DST: variants seen among roughly 807,000 people sequenced by gnomAD.
DST encodes bullous pemphigoid antigen.
DST carries 253 observed loss-of-function variants against 875.2 expected under a neutral mutation model. That is an observed-to-expected ratio of 0.29 (90% CI 0.26 to 0.32). The LOEUF (loss-of-function observed/expected upper bound fraction) is 0.32, where lower values mean the gene tolerates loss of function less well. Ranked by LOEUF, DST falls within the 10% of genes least tolerant of loss-of-function variation. The probability of loss-of-function intolerance (pLI) is 1.00; values close to 1 mark genes in which losing one functional copy is unlikely to be tolerated. For synonymous variants in DST, 3,124 were observed against 3,197.1 expected (o/e 0.98, Z 0.77); for missense variants, 8,287 against 9,111.6 (o/e 0.91, Z 3.68).
intron 4 of DST, among the ~76,000 whole-genome samples, chr6:56,792,401 AG>A (rs1281720416): frequency 1.3e-5 from 2 of 152,188 alleles, no homozygotes; most frequent in African/African-American, 4.8e-5. Flanking sequence ...ATTACAGGAG[AG>A]AAAAAGTAGT....
At chr6:56,589,832 T>C (rs1319651660) in intron 49 of DST, among the ~76,000 whole-genome samples, 1 of 152,240 alleles carries the variant, frequency 6.6e-6, no homozygotes, top group East Asian at 1.9e-4. Context: ...CAACATGCTA[T>C]TGGCCAAAAG....
intron 87 of DST, among the ~76,000 whole-genome samples, chr6:56,485,892 A>G (rs2095543017): frequency 6.6e-6 from 1 of 152,150 alleles, no homozygotes; most frequent in Non-Finnish European, 1.5e-5. Flanking sequence ...CAACCATCCC[A>G]AAAATCTTCC....
chr6:56,585,675 A>C (rs1370379505), intron 49 of DST, among the ~76,000 whole-genome samples: 3 of 151,210 alleles, frequency 2.0e-5, no homozygotes, highest in African/African-American at 7.3e-5. Context: ...TAGTTCTTTT[A>C]ATTGTGATGT....
chr6:56,727,023 C>T (rs1425839678), intron 5 of DST, among the ~76,000 whole-genome samples: 1 of 152,162 alleles, frequency 6.6e-6, no homozygotes, highest in African/African-American at 2.4e-5. Context: ...CTTGGGGCCC[C>T]AAAATCACTA....
chr6:56,770,246 T>C (rs1403663218), intron 4 of DST, among the ~76,000 whole-genome samples: 1 of 152,220 alleles, frequency 6.6e-6, no homozygotes, highest in Non-Finnish European at 1.5e-5. Context: ...AGACAAATCA[T>C]GAAAAGTCCC....
chr6:56,549,632 C>A (rs1037825827), intron 61 of DST, among the ~76,000 whole-genome samples: 1 of 152,164 alleles, frequency 6.6e-6, no homozygotes, highest in Non-Finnish European at 1.5e-5. Context: ...ATCATCATCA[C>A]CCTTATCATA....
intron 10 of DST, among the ~76,000 whole-genome samples, chr6:56,654,283 ATATCCCAGCTT>A (rs140463086): frequency 0.13 from 20,136 of 151,934 alleles, 3,062 homozygotes; most frequent in African/African-American, 0.38. Flanking sequence ...AAACATGTTT[ATATCCCAGCTT>A]TATCCCAGCT....
In DST at chr6:56,522,532, A is replaced by G. The variant is rs559331877; in HGVS notation, c.18129+3829T>C. Among the ~76,000 whole-genome samples the G allele has an allele frequency of 3.3e-5, 5 of 152,242 alleles. No individual in the cohort carries two copies. The East Asian group carries it at 7.7e-4, about 23-fold the overall frequency. The stretch of plus-strand genomic sequence containing the variant: ...CTTGTCTTTATTTATAACACAAGAC[A>G]TATTTTCCCATCCACAACACCTGGA... On this transcript the variant is annotated intron_variant, in intron 69 of 103. Coordinates refer to ENST00000680361, the MANE Select transcript of DST (RefSeq NM_001374736.1).
At chr6:56,878,144 CATCACCACTCT>C (rs1221732794) in intron 3 of DST, among the ~76,000 whole-genome samples, 1 of 152,198 alleles carries the variant, frequency 6.6e-6, no homozygotes, top group Non-Finnish European at 1.5e-5. Flanking sequence ...AACATGAGCC[CATCACCACTCT>C]AAGAGGGTAG....
chr6:56,648,642 G>T lies in DST; in HGVS notation c.1482C>A (p.Leu494=). 6.3e-7 allele frequency: 1 copy of T among 1,586,336 alleles called. No individual in the cohort carries two copies. Among genetic ancestry groups the T allele is most frequent in the Non-Finnish European group, 8.6e-7 (1 of 1,163,002 alleles). Residue 494 remains leucine, a synonymous_variant, in exon 13 of 104, where the codon CTC becomes CTA. Coordinates refer to ENST00000680361, the MANE Select transcript of DST (RefSeq NM_001374736.1). ...WIEYQNMVNY[L]IQWIRHHVTT... ...TCACATGGTGTCTAATCCATTGGAT[G>T]AGGTAGTTCACCATATTCTGGTATT...
chr6:56,666,598 A>G (rs748736799), intron 10 of DST, among the ~76,000 whole-genome samples: 28 of 152,200 alleles, frequency 1.8e-4, no homozygotes, highest in Non-Finnish European at 3.7e-4. Flanking sequence ...AAAGCCAAGT[A>G]AAATCCATAT....
intron 23 of DST, 128 bp from the exon 24 acceptor site, chr6:56,635,842 G>A: frequency 1.1e-6 from 1 of 950,704 alleles, no homozygotes; most frequent in Non-Finnish European, 1.7e-6. Flanking sequence ...GCACAAGATA[G>A]CTTAATAGTC....
chr6:56,704,425 T>A, intron 5 of DST, 56 bp from the exon 6 acceptor site: 1 of 754,972 alleles, frequency 1.3e-6, no homozygotes, highest in Non-Finnish European at 2.2e-6. Context: ...TCCTTAACAT[T>A]CTTAAACATA....
chr6:56,858,201 G>C (rs944334800), intron 3 of DST, among the ~76,000 whole-genome samples: 1 of 152,148 alleles, frequency 6.6e-6, no homozygotes, highest in African/African-American at 2.4e-5. Context: ...GTGAGAGGAA[G>C]GGGGATCAGA....
chr6:56,843,036 CAG>C (rs2099802253), intron 4 of DST: 9 of 1,439,006 alleles, frequency 6.3e-6, no homozygotes, highest in Non-Finnish European at 8.4e-6. Context: ...TCCGCAGCCC[CAG>C]GGCAGGGACC....
rs921430746 is a variant in DST at position 56,608,749 on chromosome 6, G to A, written c.5879C>T (p.Thr1960Ile). The A allele has an allele frequency of 6.2e-7, 1 of 1,609,644 alleles. No individual in the cohort carries two copies. The highest frequency in any genetic ancestry group is 1.7e-5 in the Admixed American group (1 of 59,284). Reference protein sequence around the residue: ...PVRPQEGGRITLKCGRNISIL... With the variant: ...PVRPQEGGRIILKCGRNISIL... The stretch of plus-strand genomic sequence containing the variant: ...GCTTATGTTTCTTCCACATTTTAAT[G>A]TTATTCTACCTCCTTCTTGTGGTCT... The change falls in exon 40 of 104, where the codon ACA becomes ATA. Residue 1960 changes from threonine to isoleucine, a missense_variant. This residue lies in a region of DST where 3,138 missense variants were observed against 3,116.6 expected (regional missense o/e 1.01). Transcript: ENST00000680361.
chr6:56,662,875 G>C (rs551132294), intron 10 of DST, among the ~76,000 whole-genome samples: 73 of 152,126 alleles, frequency 4.8e-4, no homozygotes, highest in Admixed American at 4.6e-4. Context: ...CTTGAACCCG[G>C]GAGGTGGAGG....
Position 56,640,569 on chromosome 6 carries a change from C to G in DST, c.2064G>C (p.Arg688Ser). The G allele has an allele frequency of 1.2e-6, 2 of 1,614,152 alleles. No homozygotes were observed. The highest frequency in any genetic ancestry group is 1.7e-6 in the Non-Finnish European group (2 of 1,180,006). Residue 688 changes from arginine to serine, a missense_variant, in exon 18 of 104, where the codon AGG becomes AGC. By Grantham distance (110) the Arg-to-Ser change is moderately radical. Coordinates refer to ENST00000680361, the MANE Select transcript of DST (RefSeq NM_001374736.1). The part of the protein sequence containing the change: ...AKLRDEIMAL[R>S]NECSSVYSKG... ...TGCTGTACACAGAAGAACATTCGTT[C>G]CTTAAGGCCATAATTTCGTCACGCA...
chr6:56,808,082 G>A (rs1167565248), intron 4 of DST, among the ~76,000 whole-genome samples: 1 of 151,980 alleles, frequency 6.6e-6, no homozygotes, highest in Non-Finnish European at 1.5e-5. Context: ...TAAACATCAG[G>A]CACCTTGGAG....
Sources: gnomAD v4.1 joint callset for allele counts (sites outside exome capture counted in the v4.1 genomes callset) on GRCh38, gnomAD v4.1.1 for gene constraint, gnomAD v4.1.1 regional missense constraint, MANE v1.5 for transcripts, NCBI Gene and HGNC (gene_info 2026-07-23, HGNC 2026-07-21) for gene names.